NGF: variants seen among roughly 807,000 people sequenced by gnomAD.
The protein encoded by NGF is beta-nerve growth factor.
NGF carries 4 observed loss-of-function variants against 12.8 expected under a neutral mutation model. That is an observed-to-expected ratio of 0.31 (90% CI 0.15 to 0.72). The LOEUF (loss-of-function observed/expected upper bound fraction) is 0.72, where lower values mean the gene tolerates loss of function less well. Among genes scored for constraint, NGF ranks in the 30% least tolerant of loss-of-function variants. The probability of loss-of-function intolerance (pLI) is 0.69; values close to 1 mark genes in which losing one functional copy is unlikely to be tolerated. For synonymous variants in NGF, 140 were observed against 130.0 expected, an observed-to-expected ratio of 1.08 and a Z score of -0.52; for missense variants, 283 against 330.8, an observed-to-expected ratio of 0.86 and a Z score of 1.12.
At chr1:115,321,576 ATGTGTGTGTGTGTGTG>A (rs59590858) in intron 1 of NGF, among the ~76,000 whole-genome samples, 3,128 of 133,270 alleles carry the variant, frequency 0.023, 57 homozygotes, top group Non-Finnish European at 0.039. Flanking sequence ...TGTGTATGGG[ATGTGTGTGTGTGTGTG>A]TGTGTGTGTG....
At chr1:115,311,825 A>G (rs1654342393) in intron 1 of NGF, among the ~76,000 whole-genome samples, 1 of 152,334 alleles carries the variant, frequency 6.6e-6, no homozygotes, top group Middle Eastern at 3.4e-3. Flanking sequence ...ATAAATGTGC[A>G]TAAGATCTGG....
chr1:115,335,004 G>A (rs948299050), intron 1 of NGF, among the ~76,000 whole-genome samples: 3 of 152,130 alleles, frequency 2.0e-5, no homozygotes, highest in African/African-American at 7.2e-5. Context: ...GAATATCAAG[G>A]GATCATCCTA....
At chr1:115,324,487 GACCTGAGCCA>G (rs1039429968) in intron 1 of NGF, among the ~76,000 whole-genome samples, 1 of 151,920 alleles carries the variant, frequency 6.6e-6, no homozygotes, top group Non-Finnish European at 1.5e-5. Context: ...CTCCATTCCT[GACCTGAGCCA>G]ACCTGAGCTT....
intron 1 of NGF, among the ~76,000 whole-genome samples, chr1:115,310,270 G>A (rs962088887): frequency 2.6e-5 from 4 of 152,214 alleles, no homozygotes; most frequent in African/African-American, 4.8e-5. Context: ...AGAACTTTGG[G>A]TGATCTCCTT....
chr1:115,318,944 C>T (rs1654544817), intron 1 of NGF, among the ~76,000 whole-genome samples: 1 of 152,204 alleles, frequency 6.6e-6, no homozygotes, highest in South Asian at 2.1e-4. Flanking sequence ...GTGTAGCTTA[C>T]AGCAGGGCTA....
chr1:115,321,418 CT>C (rs561720553), intron 1 of NGF, among the ~76,000 whole-genome samples: 114 of 152,172 alleles, frequency 7.5e-4, no homozygotes, highest in Non-Finnish European at 1.4e-3. Context: ...TTTTTTCCTT[CT>C]TTTTTTGCAT....
intron 1 of NGF, among the ~76,000 whole-genome samples, chr1:115,324,208 C>T (rs377569244): frequency 2.6e-4 from 40 of 152,200 alleles, no homozygotes; most frequent in South Asian, 8.3e-4. Context: ...TGTTTGATGA[C>T]GGGTCAGAGC....
rs1374698341 is a variant in NGF at position 115,338,230 on chromosome 1, G to C, written c.-163C>G. ...GCTGCGCTCCCCTCCGGCTCCCAGC[G>C]CTCTCTGCTGTGCCGGAGCGCCGAG... On this transcript the variant is annotated 5_prime_UTR_variant, in exon 1 of 3. Coordinates refer to ENST00000369512, the MANE Select transcript of NGF (RefSeq NM_002506.3). The C allele has an allele frequency of 6.6e-6, 1 of 152,370 alleles. No individual in the cohort carries two copies. The highest frequency in any genetic ancestry group is 2.4e-5 in the African/African-American group (1 of 41,448). The allele number at this position is 152,370 out of a possible 1,614,324, so 9.4% of individuals were successfully genotyped here.
intron 1 of NGF, among the ~76,000 whole-genome samples, chr1:115,321,531 C>T (rs1011478257): frequency 8.0e-5 from 12 of 149,690 alleles, no homozygotes; most frequent in Admixed American, 6.0e-4. Context: ...TAATGTTTGC[C>T]GTTGCCTCAG....
chr1:115,288,793 A>G (rs1653595593), intron 2 of NGF, among the ~76,000 whole-genome samples: 1 of 152,228 alleles, frequency 6.6e-6, no homozygotes, highest in Non-Finnish European at 1.5e-5. Context: ...TTTAAGGAGA[A>G]TGAATGAAAG....
chr1:115,337,038 G>A (rs1201823969), intron 1 of NGF, among the ~76,000 whole-genome samples: 1 of 152,146 alleles, frequency 6.6e-6, no homozygotes, highest in Non-Finnish European at 1.5e-5. Flanking sequence ...CGTGCACTAA[G>A]TTTTCCTTAA....
At chr1:115,324,545 C>T (rs1447898738) in intron 1 of NGF, among the ~76,000 whole-genome samples, 1 of 152,176 alleles carries the variant, frequency 6.6e-6, no homozygotes, top group African/African-American at 2.4e-5. Flanking sequence ...CTCCTACTCA[C>T]TTTCTTTCCT....
At chr1:115,309,584 C>T (rs1244919470) in intron 1 of NGF, among the ~76,000 whole-genome samples, 1 of 152,160 alleles carries the variant, frequency 6.6e-6, no homozygotes, top group Non-Finnish European at 1.5e-5. Context: ...TGGCTCCTGA[C>T]TCCCTGAAAG....
intron 1 of NGF, among the ~76,000 whole-genome samples, chr1:115,301,829 C>T (rs1277853580): frequency 6.6e-6 from 1 of 152,216 alleles, no homozygotes; most frequent in African/African-American, 2.4e-5. Context: ...CAGGGTGCTG[C>T]AATGTTTAGC....
intron 2 of NGF, among the ~76,000 whole-genome samples, chr1:115,292,291 G>A (rs11466107): frequency 9.9e-5 from 15 of 152,226 alleles, no homozygotes; most frequent in Non-Finnish European, 1.8e-4. Flanking sequence ...TTATTGGGAG[G>A]AGGCATGGCC....
rs769144500 is a variant in NGF, at chr1:115,297,192, AAC to A, written c.-136-3444_-136-3443del. Reference sequence around the variant, plus strand: ...CTACTGAATCAGAAACTGGGAATGAAACACAACAATCTGCGGTTTAACCAGCT... The same window carrying A: ...CTACTGAATCAGAAACTGGGAATGAAACAACAATCTGCGGTTTAACCAGCT... On this transcript the variant is annotated intron_variant, in intron 1 of 2. Transcript: ENST00000369512. Among the ~76,000 whole-genome samples the A allele has an allele frequency of 5.9e-5, 9 of 152,344 alleles. No homozygotes were observed. The East Asian group carries it at 9.6e-4, about 16-fold the overall frequency.
chr1:115,305,190 G>T (rs922810364), intron 1 of NGF, among the ~76,000 whole-genome samples: 2 of 152,284 alleles, frequency 1.3e-5, no homozygotes, highest in East Asian at 3.9e-4. Context: ...CATGTATTAT[G>T]TATTATGTAC....
chr1:115,321,774 A>T (rs1654635701), intron 1 of NGF, among the ~76,000 whole-genome samples: 1 of 152,172 alleles, frequency 6.6e-6, no homozygotes, highest in Non-Finnish European at 1.5e-5. Flanking sequence ...GATTCATCCT[A>T]GTGATTCTTT....
At chr1:115,326,746 G>T (rs1037234264) in intron 1 of NGF, among the ~76,000 whole-genome samples, 1 of 152,136 alleles carries the variant, frequency 6.6e-6, no homozygotes, top group Non-Finnish European at 1.5e-5. Context: ...GCAAGTGACT[G>T]TCAAGATCCC....
Sources: gnomAD v4.1 joint callset for allele counts (sites outside exome capture counted in the v4.1 genomes callset) on GRCh38, gnomAD v4.1.1 for gene constraint, MANE v1.5 for transcripts, NCBI Gene and HGNC (gene_info 2026-07-23, HGNC 2026-07-21) for gene names.